CDC27: variants seen among roughly 807,000 people sequenced by gnomAD.
The protein encoded by CDC27 is cell division cycle protein 27 homolog.
CDC27 carries 27 observed loss-of-function variants against 109.7 expected under a neutral mutation model. That is an observed-to-expected ratio of 0.25 (90% CI 0.18 to 0.34). CDC27 has a LOEUF of 0.34. Among genes scored for constraint, CDC27 ranks in the 10% least tolerant of loss-of-function variants. The pLI is 1.00. For missense variants in CDC27, 579 were observed against 960.2 expected (o/e 0.60, Z 5.25); for synonymous variants, 266 against 333.9 (o/e 0.80, Z 2.22).
chr17:47,187,162 G>C lies in CDC27; in HGVS notation c.27+1984C>G, dbSNP rs144441744. Among the ~76,000 whole-genome samples the C allele has an allele frequency of 1.3e-3, 191 of 152,268 alleles. 2 individuals are homozygous for C. Among genetic ancestry groups the C allele is most frequent in the African/African-American group, 4.0e-3 (167 of 41,550 alleles). On this transcript the variant is annotated intron_variant, in intron 1 of 18. Coordinates refer to ENST00000066544, the MANE Select transcript of CDC27 (RefSeq NM_001256.6). ...TAATGGACAATGCTGCTATGAAAAA[G>C]AAGCAAATTTGACATTTAAGCCTTA...
At chr17:47,187,784 A>G (rs2064503632) in intron 1 of CDC27, among the ~76,000 whole-genome samples, 1 of 151,692 alleles carries the variant, frequency 6.6e-6, no homozygotes, top group African/African-American at 2.4e-5. Context: ...TAATCTGCTT[A>G]TCTATTTAAG....
chr17:47,128,193 G>A (rs1870722725), intron 16 of CDC27, among the ~76,000 whole-genome samples: 2 of 151,824 alleles, frequency 1.3e-5, no homozygotes, highest in African/African-American at 2.4e-5. Context: ...ACCATGCCTG[G>A]CTAATTTTTG....
chr17:47,122,653 TA>T, intron 17 of CDC27, 53 bp from the exon 18 acceptor site: 1 of 1,351,442 alleles, frequency 7.4e-7, no homozygotes, highest in Non-Finnish European at 1.0e-6. Context: ...GCTTCAACTA[TA>T]AAATTCTAAC....
At chr17:47,127,575 G>GT (rs1421884174) in intron 16 of CDC27, among the ~76,000 whole-genome samples, 1 of 151,898 alleles carries the variant, frequency 6.6e-6, no homozygotes, top group Non-Finnish European at 1.5e-5. Context: ...GCTAATTTTT[G>GT]TATTTTTAGT....
At chr17:47,121,428 GGTCAGTCT>G (rs2061979738) in intron 18 of CDC27, among the ~76,000 whole-genome samples, 1 of 152,000 alleles carries the variant, frequency 6.6e-6, no homozygotes, top group Admixed American at 6.6e-5. Context: ...AGGTTTATGG[GGTCAGTCT>G]ATCAGTCAAT....
intron 1 of CDC27, 174 bp downstream of exon 1, chr17:47,188,972 C>A: frequency 1.4e-6 from 2 of 1,461,074 alleles, no homozygotes; most frequent in Non-Finnish European, 1.8e-6. Context: ...AGAGGTAACA[C>A]GGCTTAGGCT....
chr17:47,147,719 T>C (rs906799306), intron 9 of CDC27, among the ~76,000 whole-genome samples: 1 of 151,748 alleles, frequency 6.6e-6, no homozygotes, highest in African/African-American at 2.4e-5. Flanking sequence ...GACCTTGTCC[T>C]TGTCTCTACA....
At position 47,120,329 on chromosome 17, in the gene CDC27, T is replaced by G. The variant is rs920745826; in HGVS notation, c.*606A>C. The G allele has an allele frequency of 4.6e-5, 7 of 152,770 alleles. No homozygotes were observed. Among genetic ancestry groups the G allele is most frequent in the Non-Finnish European group, 1.0e-4 (7 of 68,130 alleles). 9.5% of individuals were successfully genotyped at this position (152,770 alleles called of 1,614,324 possible). A position where few individuals can be genotyped will look rare whatever the true frequency, so the allele number is the denominator to read the frequency against. Reference sequence around the variant, plus strand: ...TCTTGCCAAGAATAAGAGTACACTGTATGGAGGGATATTTGATTCCTACAT... The same window carrying G: ...TCTTGCCAAGAATAAGAGTACACTGGATGGAGGGATATTTGATTCCTACAT... On this transcript the variant is annotated 3_prime_UTR_variant, in exon 19 of 19. Transcript: ENST00000066544.
chr17:47,176,853 C>A (rs560963947), intron 2 of CDC27, among the ~76,000 whole-genome samples: 7 of 152,252 alleles, frequency 4.6e-5, no homozygotes, highest in African/African-American at 1.7e-4. Context: ...ATACATTATT[C>A]CACATCTTTA....
chr17:47,135,044 G>A (rs988438996), intron 14 of CDC27, among the ~76,000 whole-genome samples: 7 of 151,768 alleles, frequency 4.6e-5, no homozygotes, highest in African/African-American at 7.3e-5. Context: ...TCCTTATTTC[G>A]AATAAGGAAA....
At chr17:47,131,353 G>A (rs11570548) in intron 15 of CDC27, among the ~76,000 whole-genome samples, 11,674 of 152,064 alleles carry the variant, frequency 0.077, 636 homozygotes, top group South Asian at 0.19. Context: ...CCTGTCTTAC[G>A]GTGCTGGACT....
rs771631452 is a variant in CDC27 at position 47,122,469 on chromosome 17, C to T, written c.2367G>A (p.Glu789=). 6.2e-7 allele frequency: 1 copy of T among 1,605,846 alleles called. No homozygotes were observed. Among genetic ancestry groups the T allele is most frequent in the South Asian group, 1.1e-5 (1 of 89,642 alleles). ...TGATCTGTTCTTCTTGGGTTATTGG[C>T]TCCTCATCATCTGGAAGATAACGCT... ...IDKRYLPDDE[E]PITQEEQIMG... Residue 789 remains glutamate, a synonymous_variant, in exon 18 of 19, where the codon GAG becomes GAA. Coordinates refer to ENST00000066544, the MANE Select transcript of CDC27 (RefSeq NM_001256.6).
chr17:47,163,859 G>C (rs760573996), intron 4 of CDC27, among the ~76,000 whole-genome samples: 2 of 152,180 alleles, frequency 1.3e-5, no homozygotes, highest in Non-Finnish European at 2.9e-5. Context: ...CTGCCTCCTG[G>C]ATTCAAGTGA....
chr17:47,119,889 G>A lies in CDC27; in HGVS notation c.*1046C>T, dbSNP rs182180178. ...CTACTGAAAAAATCTGAAGCAGAGA[G>A]TCAAAAAGAATGGAAAGGATCTCAA... is the stretch of plus-strand genomic sequence containing the variant. On this transcript the variant is annotated 3_prime_UTR_variant, in exon 19 of 19. Transcript: ENST00000066544. 2.0e-5 allele frequency: 3 copies of A among 152,290 alleles called. No individual in the cohort carries two copies. The highest frequency in any genetic ancestry group is 2.0e-4 in the Admixed American group (3 of 15,282). The allele number at this position is 152,290 out of a possible 1,614,324, so 9.4% of individuals were successfully genotyped here. A position where few individuals can be genotyped will look rare whatever the true frequency, so the allele number is the denominator to read the frequency against.
chr17:47,141,230 T>C (rs141297048), intron 12 of CDC27, among the ~76,000 whole-genome samples: 58 of 152,288 alleles, frequency 3.8e-4, no homozygotes, highest in African/African-American at 1.3e-3. Context: ...TTTATTAATA[T>C]ATAGGTTTCT....
intron 2 of CDC27, among the ~76,000 whole-genome samples, chr17:47,176,781 G>C (rs565273552): frequency 1.3e-5 from 2 of 152,240 alleles, no homozygotes. Flanking sequence ...ATGTGTCTGT[G>C]AAACATCCAA....
intron 9 of CDC27, among the ~76,000 whole-genome samples, chr17:47,148,306 T>C (rs1252384778): frequency 6.6e-6 from 1 of 151,912 alleles, no homozygotes; most frequent in East Asian, 1.9e-4. Context: ...ACACTGGGTG[T>C]GGTTAATAAC....
intron 14 of CDC27, among the ~76,000 whole-genome samples, chr17:47,136,487 A>G (rs2062597232): frequency 1.3e-5 from 2 of 152,222 alleles, no homozygotes; most frequent in Admixed American, 6.5e-5. Flanking sequence ...CCTTATCTTG[A>G]TATTTAAACT....
chr17:47,189,061 C>A, intron 1 of CDC27, 85 bp downstream of exon 1: 2 of 1,535,148 alleles, frequency 1.3e-6, no homozygotes, highest in Non-Finnish European at 1.8e-6. Flanking sequence ...CGGGCCTAGG[C>A]CGCACCAGGC....
Sources: allele counts gnomAD v4.1 joint callset (sites outside exome capture counted in the v4.1 genomes callset), GRCh38; gene constraint gnomAD v4.1.1; transcripts MANE v1.5; gene names NCBI Gene and HGNC (gene_info 2026-07-23, HGNC 2026-07-21).